The following TRIM33 variants were observed in gnomAD, a reference collection of about 807,000 sequenced individuals.
The protein encoded by TRIM33 is tripartite motif containing 33.
TRIM33 carries 20 observed loss-of-function variants against 125.4 expected under a neutral mutation model. That is an observed-to-expected ratio of 0.16 (90% CI 0.11 to 0.23). The LOEUF is 0.23. Ranked by LOEUF, TRIM33 falls within the 10% of genes least tolerant of loss-of-function variation. The probability of loss-of-function intolerance (pLI) is 1.00; values close to 1 mark genes in which losing one functional copy is unlikely to be tolerated. For missense variants in TRIM33, 920 were observed against 1,411.4 expected (o/e 0.65, Z 5.58); for synonymous variants, 564 against 513.9 (o/e 1.10, Z -1.32).
intron 8 of TRIM33, among the ~76,000 whole-genome samples, chr1:114,426,494 T>C (rs1246163719): frequency 6.6e-6 from 1 of 151,338 alleles, no homozygotes; most frequent in Non-Finnish European, 1.5e-5. Context: ...TTTTTTATTA[T>C]ATGCAAAGAT....
chr1:114,490,420 C>T (rs1262456461), intron 1 of TRIM33, among the ~76,000 whole-genome samples: 1 of 152,162 alleles, frequency 6.6e-6, no homozygotes, highest in Admixed American at 6.6e-5. Flanking sequence ...AACTGGAACC[C>T]TCATACATAT....
intron 1 of TRIM33, among the ~76,000 whole-genome samples, chr1:114,495,647 T>C (rs1280266040): frequency 1.3e-5 from 2 of 152,114 alleles, no homozygotes; most frequent in Non-Finnish European, 2.9e-5. Context: ...ATTCAGATAA[T>C]CTACTTTGAA....
chr1:114,490,688 G>A (rs1011591698), intron 1 of TRIM33: 1 of 152,310 alleles, frequency 6.6e-6, no homozygotes, highest in South Asian at 2.1e-4. Context: ...AGCCATAAAA[G>A]AGTATATTAT....
chr1:114,405,619 C>A lies in TRIM33; in HGVS notation c.2559G>T (p.Gly853=). ...ADMNESCKQS[G]LSSLVNGKSP... ...ACTTTCCATTAACAAGGCTGCTGAG[C>A]CCTGACTGTTTGCAGCTTTCATTCA... Residue 853 remains glycine, a synonymous_variant, in exon 15 of 20, where the codon GGG becomes GGT. Transcript: ENST00000358465. The A allele has an allele frequency of 6.2e-7, 1 of 1,614,188 alleles. No individual in the cohort carries two copies. The highest frequency in any genetic ancestry group is 8.5e-7 in the Non-Finnish European group (1 of 1,180,038).
At chr1:114,447,839 T>A (rs1649081612) in intron 4 of TRIM33, among the ~76,000 whole-genome samples, 1 of 152,224 alleles carries the variant, frequency 6.6e-6, no homozygotes, top group Admixed American at 6.5e-5. Context: ...AGATGAAAAC[T>A]GAGAAAACAC....
intron 4 of TRIM33, among the ~76,000 whole-genome samples, chr1:114,445,358 C>T (rs1415156396): frequency 6.6e-6 from 1 of 152,178 alleles, no homozygotes; most frequent in Non-Finnish European, 1.5e-5. Context: ...CCACCTCAGC[C>T]TCCCAAGTAG....
chr1:114,485,568 A>G (rs1037119311), intron 1 of TRIM33, among the ~76,000 whole-genome samples: 1 of 152,122 alleles, frequency 6.6e-6, no homozygotes, highest in Non-Finnish European at 1.5e-5. Flanking sequence ...TAAACCCTAA[A>G]TCAGAGGTGA....
intron 1 of TRIM33, among the ~76,000 whole-genome samples, chr1:114,479,745 G>A (rs1651188024): frequency 6.8e-6 from 1 of 147,052 alleles, no homozygotes. Flanking sequence ...CAAAATGAAG[G>A]TAGTATTGTC....
chr1:114,492,855 A>G (rs896611777), intron 1 of TRIM33, among the ~76,000 whole-genome samples: 7 of 152,248 alleles, frequency 4.6e-5, no homozygotes, highest in Non-Finnish European at 1.0e-4. Context: ...TACTGTGAAT[A>G]ATGCTGCAAT....
chr1:114,423,775 A>C (rs1350718550), intron 10 of TRIM33, among the ~76,000 whole-genome samples: 2 of 152,126 alleles, frequency 1.3e-5, no homozygotes, highest in South Asian at 2.1e-4. Flanking sequence ...GTTCTAGGAC[A>C]GTGTTTCTCC....
intron 1 of TRIM33, among the ~76,000 whole-genome samples, chr1:114,507,188 C>G: frequency 6.6e-6 from 1 of 152,194 alleles, no homozygotes; most frequent in East Asian, 1.9e-4. Flanking sequence ...GAAGTGAGAG[C>G]CCTTCATTCA....
chr1:114,411,088 G>T (rs1351346269), intron 11 of TRIM33, among the ~76,000 whole-genome samples: 1 of 152,162 alleles, frequency 6.6e-6, no homozygotes, highest in Non-Finnish European at 1.5e-5. Context: ...TGTCCAGACT[G>T]AAGAGCAGTG....
intron 1 of TRIM33, among the ~76,000 whole-genome samples, chr1:114,477,704 G>A (rs577153641): frequency 7.2e-5 from 11 of 152,228 alleles, no homozygotes; most frequent in African/African-American, 2.4e-4. Context: ...TAATGGATAC[G>A]TGCTGTATGT....
intron 4 of TRIM33, among the ~76,000 whole-genome samples, chr1:114,446,270 C>T (rs1196442789): frequency 6.6e-6 from 1 of 152,094 alleles, no homozygotes; most frequent in Non-Finnish European, 1.5e-5. Context: ...GAGACAGAAA[C>T]TCATATATAC....
At chr1:114,466,628 G>A (rs1427351157) in intron 1 of TRIM33, among the ~76,000 whole-genome samples, 1 of 152,194 alleles carries the variant, frequency 6.6e-6, no homozygotes, top group Non-Finnish European at 1.5e-5. Flanking sequence ...TAGACACCAA[G>A]GCTCAGGTGA....
intron 10 of TRIM33, 60 bp from the exon 11 acceptor site, chr1:114,421,696 T>C (rs1236853412): frequency 6.6e-7 from 1 of 1,518,708 alleles, no homozygotes. Context: ...ATATAAACTA[T>C]ACCTTTATAA....
At chr1:114,403,534 C>G (rs1652039706) in intron 15 of TRIM33, among the ~76,000 whole-genome samples, 2 of 151,980 alleles carry the variant, frequency 1.3e-5, no homozygotes, top group Admixed American at 6.6e-5. Flanking sequence ...TCATGACCGG[C>G]AGATTTTTCT....
At chr1:114,421,339 T>C (rs1557854503) in intron 11 of TRIM33, 97 bp downstream of exon 11, 1 of 1,154,596 alleles carries the variant, frequency 8.7e-7, no homozygotes, top group Non-Finnish European at 1.2e-6. Flanking sequence ...CAAGGAAATG[T>C]TGATCCTGAA....
In TRIM33 at chr1:114,395,155, T is replaced by C. The variant is rs1161474283; in HGVS notation, c.*2493A>G. The C allele has an allele frequency of 5.0e-6, 1 of 200,832 alleles. No individual in the cohort carries two copies. Among genetic ancestry groups the C allele is most frequent in the Non-Finnish European group, 1.0e-5 (1 of 97,538 alleles). The allele number at this position is 200,832 out of a possible 1,614,324, so 12.4% of individuals were successfully genotyped here. ...CAGCTTAGAAACACAACGATCAGTG[T>C]GCAAGAAAAAAGCTTTAATAAAAAA... is the stretch of plus-strand genomic sequence containing the variant. On this transcript the variant is annotated 3_prime_UTR_variant, in exon 20 of 20. Coordinates refer to ENST00000358465, the MANE Select transcript of TRIM33 (RefSeq NM_015906.4).
Sources: gnomAD v4.1 joint callset for allele counts (sites outside exome capture counted in the v4.1 genomes callset) on GRCh38, gnomAD v4.1.1 for gene constraint, MANE v1.5 for transcripts, NCBI Gene and HGNC (gene_info 2026-07-23, HGNC 2026-07-21) for gene names.